ERMAP: variants seen among roughly 807,000 people sequenced by gnomAD.
ERMAP encodes erythroid membrane-associated protein.
Under a neutral mutation model 49.5 loss-of-function variants are expected in ERMAP, and 34 were observed. The observed-to-expected ratio is 0.69, with a 90% CI of 0.52 to 0.91. ERMAP has a LOEUF of 0.91. Among genes scored for constraint, ERMAP ranks in the 40% least tolerant of loss-of-function variants. The pLI is 0.00. For synonymous variants in ERMAP, 214 were observed against 232.2 expected (o/e 0.92, Z 0.71); for missense variants, 541 against 582.6 (o/e 0.93, Z 0.74).
intron 7 of ERMAP, chr1:42,837,991 C>T (rs1385029155): frequency 1.3e-5 from 2 of 152,230 alleles, no homozygotes; most frequent in Non-Finnish European, 2.9e-5. Flanking sequence ...GCCTCTAACT[C>T]AGGAGTCAGA....
At chr1:42,818,255 A>G (rs1214881028) in intron 1 of ERMAP, among the ~76,000 whole-genome samples, 2 of 152,230 alleles carry the variant, frequency 1.3e-5, no homozygotes, top group Non-Finnish European at 2.9e-5. Flanking sequence ...CTAGGTATCA[A>G]AAGCCTTAAA....
intron 6 of ERMAP, chr1:42,836,903 T>TAAA (rs35894122): frequency 5.2e-3 from 1,378 of 265,282 alleles, no homozygotes; most frequent in East Asian, 0.014. Context: ...GTGGCAGATT[T>TAAA]AAAAAAAAAA....
At chr1:42,837,084 G>T in intron 6 of ERMAP, 74 bp from the exon 7 acceptor site, 1 of 1,539,892 alleles carries the variant, frequency 6.5e-7, no homozygotes, top group Non-Finnish European at 9.0e-7. Flanking sequence ...CCAAGGGCAG[G>T]TAAAATCAAT....
At chr1:42,818,429 A>G (rs758232421) in intron 1 of ERMAP, among the ~76,000 whole-genome samples, 1 of 152,266 alleles carries the variant, frequency 6.6e-6, no homozygotes, top group African/African-American at 2.4e-5. Flanking sequence ...TTAGGTTTGT[A>G]AGGTGAAAAA....
intron 1 of ERMAP, among the ~76,000 whole-genome samples, chr1:42,818,434 G>GAA (rs537174957): frequency 6.7e-4 from 102 of 152,238 alleles, no homozygotes; most frequent in Middle Eastern, 6.8e-3. Context: ...TTTGTAAGGT[G>GAA]AAAAAGTTCT....
At position 42,840,262 on chromosome 1, in the gene ERMAP, T is replaced by C. The variant is rs749262372; in HGVS notation, c.686-8T>C. On this transcript the variant is annotated splice_polypyrimidine_tract_variant and splice_region_variant and intron_variant, in intron 10 of 11. Transcript: ENST00000372517. Reference sequence around the variant, plus strand: ...GTACTTTAATGATCCCCTTTTCTCATTTTTCAGGCTGGAGAAGAGCCCGGT... The same window carrying C: ...GTACTTTAATGATCCCCTTTTCTCACTTTTCAGGCTGGAGAAGAGCCCGGT... 16 of 1,614,180 alleles carry C rather than the reference T, an allele frequency of 9.9e-6. No homozygotes were observed. The highest frequency in any genetic ancestry group is 1.4e-5 in the Non-Finnish European group (16 of 1,180,026).
At chr1:42,834,651 G>C in intron 4 of ERMAP, 1 of 229,220 alleles carries the variant, frequency 4.4e-6, no homozygotes, top group East Asian at 1.4e-4. Flanking sequence ...TGCCTCCCGG[G>C]TTCAAGGGAT....
At chr1:42,839,482 C>T (rs1286618992) in intron 8 of ERMAP, 5 of 169,246 alleles carry the variant, frequency 3.0e-5, no homozygotes, top group African/African-American at 1.2e-4. Flanking sequence ...TGGTGGTGCA[C>T]GCCTGTAATC....
At chr1:42,828,898 T>A (rs996884511) in intron 2 of ERMAP, among the ~76,000 whole-genome samples, 2 of 152,178 alleles carry the variant, frequency 1.3e-5, no homozygotes, top group Non-Finnish European at 2.9e-5. Flanking sequence ...TTGGGTTAGC[T>A]TGGAGCTCTG....
intron 6 of ERMAP, 133 bp from the exon 7 acceptor site, chr1:42,837,025 A>T (rs1654921948): frequency 1.2e-6 from 1 of 852,602 alleles, no homozygotes. Context: ...GTGAGAGTTG[A>T]TTAGAGACCG....
At chr1:42,822,150 A>T (rs1027794218) in intron 1 of ERMAP, among the ~76,000 whole-genome samples, 35 of 151,806 alleles carry the variant, frequency 2.3e-4, no homozygotes, top group African/African-American at 8.5e-4. Flanking sequence ...ACTGAGTAGC[A>T]CTGCTTTATA....
chr1:42,830,479 C>G lies in ERMAP; in HGVS notation c.31C>G (p.Leu11Val), dbSNP rs1192701869. Residue 11 changes from leucine to valine, a missense_variant, in exon 3 of 12, where the codon CTC becomes GTC. Physicochemically the swap from Leu to Val is conservative, Grantham distance 32. Coordinates refer to ENST00000372517, the MANE Select transcript of ERMAP (RefSeq NM_001017922.2). ...GATGGCGAGTTCTGCTGGCTCCTGG[C>G]TCTCTGGCTGCCTCATCCCTCTCGT... is the stretch of plus-strand genomic sequence containing the variant. MEMASSAGSW[L>V]SGCLIPLVFL... 3.7e-6 allele frequency: 6 copies of G among 1,614,180 alleles called. No individual in the cohort carries two copies. Among genetic ancestry groups the G allele is most frequent in the East Asian group, 2.2e-5 (1 of 44,884 alleles).
At chr1:42,840,390 G>A in intron 11 of ERMAP, 94 bp downstream of exon 11, 1 of 1,478,622 alleles carries the variant, frequency 6.8e-7, no homozygotes. Flanking sequence ...CTGGAATGCA[G>A]GTAATTTAAA....
intron 7 of ERMAP, 131 bp downstream of exon 7, chr1:42,837,321 T>C (rs927433993): frequency 3.6e-5 from 36 of 1,001,346 alleles, no homozygotes; most frequent in African/African-American, 1.8e-4. Flanking sequence ...ATATCCTCCA[T>C]TGATATTACT....
At chr1:42,839,178 A>G (rs950001005) in intron 8 of ERMAP, 1 of 575,754 alleles carries the variant, frequency 1.7e-6, no homozygotes, top group African/African-American at 1.9e-5. Context: ...CCATAGGTGA[A>G]GCCATCTGGA....
intron 2 of ERMAP, among the ~76,000 whole-genome samples, chr1:42,827,780 G>A (rs1286219028): frequency 6.6e-6 from 1 of 151,996 alleles, no homozygotes; most frequent in Non-Finnish European, 1.5e-5. Flanking sequence ...CATGATACAG[G>A]GCTATATAGG....
chr1:42,825,271 G>C (rs1238555364), intron 1 of ERMAP, among the ~76,000 whole-genome samples: 1 of 152,162 alleles, frequency 6.6e-6, no homozygotes, highest in Non-Finnish European at 1.5e-5. Flanking sequence ...TGGTTAATTG[G>C]TGGATGTCTT....
intron 11 of ERMAP, among the ~76,000 whole-genome samples, chr1:42,842,292 TGAA>T (rs1461767514): frequency 6.6e-6 from 1 of 152,208 alleles, no homozygotes; most frequent in Non-Finnish European, 1.5e-5. Context: ...CACAGACAGA[TGAA>T]GAAGAACTTT....
chr1:42,843,545 C>T lies in ERMAP; in HGVS notation c.*313C>T. Reference sequence around the variant, plus strand: ...GTTCAGGGAAAAGAGTTCGCTACTCCAGGGGTTATTTAGAAGACACTTTCT... The same window carrying T: ...GTTCAGGGAAAAGAGTTCGCTACTCTAGGGGTTATTTAGAAGACACTTTCT... On this transcript the variant is annotated 3_prime_UTR_variant, in exon 12 of 12. Coordinates refer to ENST00000372517, the MANE Select transcript of ERMAP (RefSeq NM_001017922.2). 1 of 237,652 alleles carries T rather than the reference C, an allele frequency of 4.2e-6. No individual in the cohort carries two copies. Among genetic ancestry groups the T allele is most frequent in the Non-Finnish European group, 8.0e-6 (1 of 124,996 alleles). The allele number at this position is 237,652 out of a possible 1,614,324, so 14.7% of individuals were successfully genotyped here.
Sources: gnomAD v4.1 joint callset for allele counts (sites outside exome capture counted in the v4.1 genomes callset) on GRCh38, gnomAD v4.1.1 for gene constraint, MANE v1.5 for transcripts, NCBI Gene and HGNC (gene_info 2026-07-23, HGNC 2026-07-21) for gene names.